Variants in NRXN1 observed in about 807,000 individuals in gnomAD.
NRXN1 encodes neurexin-1.
NRXN1 carries 39 observed loss-of-function variants against 150.9 expected under a neutral mutation model. The ratio of observed to expected loss-of-function variants is 0.26; its 90% confidence interval spans 0.20 to 0.34. The LOEUF is 0.34. Among genes scored for constraint, NRXN1 ranks in the 10% least tolerant of loss-of-function variants. The pLI, the probability that NRXN1 is intolerant of heterozygous loss-of-function variation, is 1.00. For synonymous variants in NRXN1, 924 were observed against 757.0 expected (o/e 1.22, Z -3.62); for missense variants, 1,815 against 1,949.9 (o/e 0.93, Z 1.30).
intron 13 of NRXN1, among the ~76,000 whole-genome samples, chr2:50,499,779 C>G (rs1383126039): frequency 3.3e-5 from 5 of 151,864 alleles, no homozygotes; most frequent in Admixed American, 3.3e-4. Context: ...GAAACTCTGT[C>G]TCTACTAAAA....
At chr2:50,601,175 T>C (rs1360628540) in intron 8 of NRXN1, among the ~76,000 whole-genome samples, 3 of 152,202 alleles carry the variant, frequency 2.0e-5, no homozygotes, top group East Asian at 1.9e-4. Flanking sequence ...CAGTATGATA[T>C]ATACTCTTTA....
chr2:50,026,847 G>GTCTTTTCTTT (rs1410362421), intron 21 of NRXN1, among the ~76,000 whole-genome samples: 1 of 92,130 alleles, frequency 1.1e-5, no homozygotes, highest in African/African-American at 4.8e-5. Context: ...CATTGTTTAA[G>GTCTTTTCTTT]TCTTTTCTTT....
chr2:50,327,625 C>T (rs1183757341), intron 17 of NRXN1, among the ~76,000 whole-genome samples: 2 of 151,528 alleles, frequency 1.3e-5, no homozygotes, highest in Non-Finnish European at 3.0e-5. Context: ...CTCCCTCCTT[C>T]CCTCCCTTCC....
At chr2:50,872,938 C>T (rs184172183) in intron 5 of NRXN1, among the ~76,000 whole-genome samples, 33 of 151,880 alleles carry the variant, frequency 2.2e-4, no homozygotes, top group Admixed American at 1.1e-3. Flanking sequence ...GGAGTAGAGG[C>T]TGCAGTGAGC....
At chr2:50,702,042 C>T (rs1693812071) in intron 5 of NRXN1, among the ~76,000 whole-genome samples, 1 of 151,968 alleles carries the variant, frequency 6.6e-6, no homozygotes, top group South Asian at 2.1e-4. Context: ...ATGTAAGACT[C>T]CTTTAATTGG....
At chr2:50,901,879 T>C (rs537999456) in intron 5 of NRXN1, among the ~76,000 whole-genome samples, 2 of 152,332 alleles carry the variant, frequency 1.3e-5, no homozygotes, top group South Asian at 4.1e-4. Context: ...TAAAAATGTT[T>C]TCATTTATCA....
Position 50,880,797 on chromosome 2 carries a change from T to A in NRXN1, c.832+41072A>T, listed in dbSNP as rs76520095. 2.0e-5 allele frequency among the ~76,000 whole-genome samples: 3 copies of A among 151,982 alleles called. No homozygotes were observed. The East Asian group carries it at 5.9e-4, about 30-fold the overall frequency. On this transcript the variant is annotated intron_variant, in intron 5 of 22. Transcript: ENST00000401669. ...AATACACTGAAAATAATGCTGCAAA[T>A]CACTAAAGCAAGAGGATAATTCACA...
At chr2:50,859,536 C>A (rs1050997770) in intron 5 of NRXN1, among the ~76,000 whole-genome samples, 1 of 150,292 alleles carries the variant, frequency 6.7e-6, no homozygotes, top group Non-Finnish European at 1.5e-5. Context: ...TCTCCTAAGT[C>A]TTTTTTGAGG....
chr2:50,144,186 T>G (rs934421526), intron 18 of NRXN1, among the ~76,000 whole-genome samples: 1 of 151,858 alleles, frequency 6.6e-6, no homozygotes, highest in East Asian at 1.9e-4. Flanking sequence ...ATCCAAAAAA[T>G]ACCTTTCAGT....
intron 17 of NRXN1, among the ~76,000 whole-genome samples, chr2:50,462,116 G>GC (rs1311270121): frequency 6.6e-6 from 1 of 151,904 alleles, no homozygotes; most frequent in Non-Finnish European, 1.5e-5. Context: ...TCTGCAAGAT[G>GC]CATGTGTCTA....
intron 21 of NRXN1, among the ~76,000 whole-genome samples, chr2:50,027,766 G>T (rs1165746146): frequency 2.0e-5 from 3 of 152,120 alleles, no homozygotes; most frequent in Non-Finnish European, 4.4e-5. Context: ...CCTGCATATT[G>T]TAGTCTCTGT....
intron 2 of NRXN1, among the ~76,000 whole-genome samples, chr2:50,939,955 C>T (rs1205190683): frequency 2.0e-5 from 3 of 152,068 alleles, no homozygotes; most frequent in Admixed American, 2.0e-4. Context: ...AAGAACCACC[C>T]ATTGCATTTA....
At chr2:50,427,632 G>C (rs770692090) in intron 17 of NRXN1, among the ~76,000 whole-genome samples, 13 of 152,120 alleles carry the variant, frequency 8.5e-5, no homozygotes, top group Non-Finnish European at 1.5e-4. Flanking sequence ...AAATCAACTG[G>C]AAGGGCATAC....
intron 5 of NRXN1, among the ~76,000 whole-genome samples, chr2:50,888,749 C>T (rs1480740600): frequency 6.6e-6 from 1 of 151,622 alleles, no homozygotes; most frequent in Non-Finnish European, 1.5e-5. Flanking sequence ...AAAATCAGAA[C>T]AATAATGCAG....
chr2:50,470,196 T>C (rs1312694612), intron 16 of NRXN1, among the ~76,000 whole-genome samples: 1 of 151,686 alleles, frequency 6.6e-6, no homozygotes, highest in Non-Finnish European at 1.5e-5. Flanking sequence ...TAAAATAAAA[T>C]AAAGGTACAC....
intron 8 of NRXN1, chr2:50,616,608 G>C (rs1021891211): frequency 6.6e-6 from 1 of 152,028 alleles, no homozygotes; most frequent in Non-Finnish European, 1.5e-5. Context: ...TTCCTTGATA[G>C]GGTTCTGTAT....
At chr2:50,118,547 G>A (rs909963507) in intron 18 of NRXN1, among the ~76,000 whole-genome samples, 2 of 151,878 alleles carry the variant, frequency 1.3e-5, no homozygotes, top group African/African-American at 4.8e-5. Flanking sequence ...TAACAAAAGA[G>A]TATTTCTCCA....
At chr2:50,486,910 T>G (rs1252475301) in intron 15 of NRXN1, among the ~76,000 whole-genome samples, 1 of 152,186 alleles carries the variant, frequency 6.6e-6, no homozygotes, top group Non-Finnish European at 1.5e-5. Flanking sequence ...GCAAACCTTG[T>G]GTATTGTTCT....
chr2:50,828,301 G>T (rs1670803452), intron 5 of NRXN1, among the ~76,000 whole-genome samples: 2 of 47,424 alleles, frequency 4.2e-5, no homozygotes, highest in Admixed American at 4.1e-4. Context: ...TCCCGGACGG[G>T]GCGGCTGGCC....
Sources: allele counts gnomAD v4.1 joint callset (sites outside exome capture counted in the v4.1 genomes callset), GRCh38; gene constraint gnomAD v4.1.1; transcripts MANE v1.5; gene names NCBI Gene and HGNC (gene_info 2026-07-23, HGNC 2026-07-21).